The following CCDC148 variants were observed in gnomAD, a reference collection of about 807,000 sequenced individuals.
CCDC148 encodes the protein coiled-coil domain-containing protein 148.
CCDC148 carries 89 observed loss-of-function variants against 85.7 expected under a neutral mutation model. That is an observed-to-expected ratio of 1.04 (90% confidence interval 0.87 to 1.24). The LOEUF is 1.24. Ranked by LOEUF, CCDC148 falls within the 50% of genes most tolerant of loss-of-function variation. The pLI, the probability that CCDC148 is intolerant of heterozygous loss-of-function variation, is 0.00. For synonymous variants in CCDC148, 230 were observed against 213.9 expected (o/e 1.08, Z -0.66); for missense variants, 692 against 671.7 (o/e 1.03, Z -0.33).
intron 1 of CCDC148, among the ~76,000 whole-genome samples, chr2:158,375,024 T>C (rs1326178305): frequency 6.6e-6 from 1 of 152,114 alleles, no homozygotes; most frequent in East Asian, 1.9e-4. Context: ...CTATATGAAG[T>C]TGTTTGAATT....
intron 10 of CCDC148, among the ~76,000 whole-genome samples, chr2:158,230,732 G>A (rs749248303): frequency 6.6e-6 from 1 of 152,154 alleles, no homozygotes; most frequent in African/African-American, 2.4e-5. Flanking sequence ...GAACAACAGG[G>A]AGACCAGTTA....
intron 1 of CCDC148, among the ~76,000 whole-genome samples, chr2:158,406,743 C>T (rs1002505503): frequency 6.6e-5 from 10 of 150,710 alleles, no homozygotes; most frequent in Non-Finnish European, 1.5e-4. Context: ...CCACCTCAGC[C>T]TCCCAAGTAG....
chr2:158,359,409 C>A (rs1182769915), intron 1 of CCDC148, among the ~76,000 whole-genome samples: 4 of 152,158 alleles, frequency 2.6e-5, no homozygotes, highest in African/African-American at 9.7e-5. Context: ...CAAATAGGAA[C>A]AGCTCTGGTC....
intron 1 of CCDC148, among the ~76,000 whole-genome samples, chr2:158,374,035 T>C (rs1032780129): frequency 4.6e-5 from 7 of 152,116 alleles, no homozygotes; most frequent in African/African-American, 1.7e-4. Flanking sequence ...ATGGTAGTAT[T>C]AGAAGCAAAC....
At chr2:158,438,124 C>T (rs181858613) in intron 1 of CCDC148, among the ~76,000 whole-genome samples, 7 of 152,226 alleles carry the variant, frequency 4.6e-5, no homozygotes, top group African/African-American at 1.7e-4. Flanking sequence ...GAAAAAACTA[C>T]GTTAAAGTTC....
chr2:158,171,164 T>C lies in CCDC148; in HGVS notation c.*949A>G, dbSNP rs1185530081. The C allele has an allele frequency of 8.4e-6, 1 of 119,672 alleles. No homozygotes were observed. Among genetic ancestry groups the C allele is most frequent in the African/African-American group, 2.9e-5 (1 of 34,818 alleles). 7.4% of individuals were successfully genotyped at this position (119,672 alleles called of 1,614,324 possible). ...ATCATAAAGTCAAAGATTCCACTAG[T>C]TGGATTGGGCTTTTTTTTTTTTACA... On this transcript the variant is annotated 3_prime_UTR_variant, in exon 14 of 14. Transcript: ENST00000283233.
intron 9 of CCDC148, among the ~76,000 whole-genome samples, chr2:158,280,091 C>T (rs1690194508): frequency 6.6e-6 from 1 of 151,948 alleles, no homozygotes; most frequent in Admixed American, 6.6e-5. Flanking sequence ...GATTTTGTCA[C>T]CACCAGGCCT....
intron 1 of CCDC148, among the ~76,000 whole-genome samples, chr2:158,366,609 C>A (rs141341840): frequency 1.3e-5 from 2 of 152,104 alleles, no homozygotes; most frequent in Non-Finnish European, 2.9e-5. Flanking sequence ...CGGGGCAGCC[C>A]GTACCCAGTG....
intron 1 of CCDC148, among the ~76,000 whole-genome samples, chr2:158,412,777 A>G (rs1686314558): frequency 6.6e-6 from 1 of 150,818 alleles, no homozygotes; most frequent in African/African-American, 2.4e-5. Context: ...ACAAATGATT[A>G]ATAAATTATA....
chr2:158,257,233 C>A (rs1689049027), intron 9 of CCDC148, among the ~76,000 whole-genome samples: 1 of 151,672 alleles, frequency 6.6e-6, no homozygotes, highest in African/African-American at 2.4e-5. Flanking sequence ...GAAAACTTAT[C>A]AGGATTTTCA....
intron 11 of CCDC148, among the ~76,000 whole-genome samples, chr2:158,208,030 A>C (rs1454868814): frequency 1.3e-5 from 2 of 151,938 alleles, no homozygotes; most frequent in Non-Finnish European, 2.9e-5. Flanking sequence ...ACTATTTTAC[A>C]TGAGGTGTTG....
intron 9 of CCDC148, among the ~76,000 whole-genome samples, chr2:158,251,968 C>T (rs538626693): frequency 4.6e-5 from 7 of 151,644 alleles, no homozygotes; most frequent in African/African-American, 1.7e-4. Flanking sequence ...ATTTATTATC[C>T]TTGTAAGCAG....
chr2:158,187,029 C>T (rs1685188131), intron 11 of CCDC148, among the ~76,000 whole-genome samples: 1 of 152,010 alleles, frequency 6.6e-6, no homozygotes, highest in Non-Finnish European at 1.5e-5. Flanking sequence ...GGACATTCAA[C>T]ACTGCTCCAG....
intron 1 of CCDC148, among the ~76,000 whole-genome samples, chr2:158,407,862 T>C (rs1175850581): frequency 6.6e-6 from 1 of 152,140 alleles, no homozygotes; most frequent in Non-Finnish European, 1.5e-5. Flanking sequence ...CCAAATAAGG[T>C]TAAGATATTG....
chr2:158,347,574 G>A (rs1461762772), intron 2 of CCDC148, among the ~76,000 whole-genome samples: 1 of 152,078 alleles, frequency 6.6e-6, no homozygotes, highest in African/African-American at 2.4e-5. Flanking sequence ...TACTTAGGGT[G>A]GATGATAATT....
chr2:158,380,821 A>C (rs1036735476), intron 1 of CCDC148: 6 of 152,134 alleles, frequency 3.9e-5, no homozygotes, highest in African/African-American at 1.4e-4. Context: ...CCATACATAC[A>C]TGATCACCTG....
intron 3 of CCDC148, among the ~76,000 whole-genome samples, chr2:158,343,638 C>T (rs1682853195): frequency 6.6e-6 from 1 of 152,168 alleles, no homozygotes; most frequent in Non-Finnish European, 1.5e-5. Context: ...TAGAATCTTA[C>T]TTATTAAAAG....
intron 1 of CCDC148, among the ~76,000 whole-genome samples, chr2:158,407,289 A>G (rs902763289): frequency 2.6e-5 from 4 of 152,078 alleles, no homozygotes; most frequent in African/African-American, 9.7e-5. Flanking sequence ...TGACTCCAGT[A>G]TGCACTAGGC....
At position 158,171,831 on chromosome 2, in the gene CCDC148, C is replaced by T. The variant is rs10497195; in HGVS notation, c.*282G>A. ...GAGCTCTTTTTATAGGATAACATAA[C>T]CTCCAACATGTAGTTTACTAAATTA... On this transcript the variant is annotated 3_prime_UTR_variant, in exon 14 of 14. Transcript: ENST00000283233. The T allele has an allele frequency of 0.03, 5,853 of 195,266 alleles. 117 individuals are homozygous for T. The highest frequency in any genetic ancestry group is 0.07 in the Middle Eastern group (36 of 514). 12.1% of individuals were successfully genotyped at this position (195,266 alleles called of 1,614,324 possible).
Sources: gnomAD v4.1 joint callset for allele counts (sites outside exome capture counted in the v4.1 genomes callset) on GRCh38, gnomAD v4.1.1 for gene constraint, MANE v1.5 for transcripts, NCBI Gene and HGNC (gene_info 2026-07-23, HGNC 2026-07-21) for gene names.